PALS1: variants seen among roughly 807,000 people sequenced by gnomAD.
PALS1 encodes the protein protein PALS1.
Under a neutral mutation model 78.9 loss-of-function variants are expected in PALS1, and 31 were observed. That is an observed-to-expected ratio of 0.39 (90% CI 0.30 to 0.53). The LOEUF is 0.53. Among genes scored for constraint, PALS1 ranks in the 20% least tolerant of loss-of-function variants. The probability of loss-of-function intolerance (pLI) is 0.67; values close to 1 mark genes in which losing one functional copy is unlikely to be tolerated. For synonymous variants in PALS1, 276 were observed against 270.9 expected (o/e 1.02, Z -0.18); for missense variants, 704 against 826.5 (o/e 0.85, Z 1.82).
intron 4 of PALS1, among the ~76,000 whole-genome samples, chr14:67,297,227 A>G (rs975783183): frequency 6.6e-5 from 10 of 152,246 alleles, no homozygotes; most frequent in South Asian, 2.1e-4. Flanking sequence ...TTAGTATTCA[A>G]CATTTTTTGG....
intron 14 of PALS1, 54 bp from the exon 15 acceptor site, chr14:67,332,726 A>G (rs1566589103): frequency 2.0e-6 from 3 of 1,536,022 alleles, no homozygotes; most frequent in African/African-American, 1.4e-5. Context: ...GACTCATCCT[A>G]TATTATTTGG....
chr14:67,274,548 G>A (rs2084466208), intron 2 of PALS1, among the ~76,000 whole-genome samples: 1 of 152,178 alleles, frequency 6.6e-6, no homozygotes, highest in African/African-American at 2.4e-5. Flanking sequence ...TTTGAAGTTG[G>A]ATAGGGTGAT....
intron 1 of PALS1, among the ~76,000 whole-genome samples, chr14:67,248,250 A>G (rs2084015614): frequency 6.6e-6 from 1 of 152,144 alleles, no homozygotes; most frequent in Admixed American, 6.6e-5. Context: ...TGAAGGAGCA[A>G]TGTCACATGC....
intron 1 of PALS1, among the ~76,000 whole-genome samples, chr14:67,263,466 C>T (rs1005577118): frequency 6.6e-6 from 1 of 152,156 alleles, no homozygotes; most frequent in Non-Finnish European, 1.5e-5. Context: ...AAAAGAGAAT[C>T]TCTATGAACA....
At chr14:67,242,798 T>A (rs2083924075) in intron 1 of PALS1, among the ~76,000 whole-genome samples, 1 of 152,190 alleles carries the variant, frequency 6.6e-6, no homozygotes, top group South Asian at 2.1e-4. Flanking sequence ...CTGGTAAATT[T>A]TACCATGTAC....
At chr14:67,274,933 T>G (rs1272151468) in intron 2 of PALS1, among the ~76,000 whole-genome samples, 1 of 152,216 alleles carries the variant, frequency 6.6e-6, no homozygotes, top group Admixed American at 6.5e-5. Flanking sequence ...TGTCTGTTAT[T>G]GGTGTATAAG....
Position 67,279,211 on chromosome 14 carries a change from C to G in PALS1, c.41C>G (p.Ser14Ter). ...ATGAATGGGCATGTTACAGAGGAAT[C>G]AGACAGCGAAGTAAAAAATGTTGAT... The part of the protein sequence containing the change: ...SHMNGHVTEE[S>*]DSEVKNVDLA... Residue 14 changes from serine (S) to a stop codon, truncating the protein, a stop_gained, in exon 3 of 15, where the codon TCA becomes TGA. Coordinates refer to ENST00000261681, the MANE Select transcript of PALS1 (RefSeq NM_022474.4). LOFTEE classifies it high-confidence loss of function. 6.2e-7 allele frequency: 1 copy of G among 1,610,738 alleles called. No homozygotes were observed. Among genetic ancestry groups the G allele is most frequent in the Non-Finnish European group, 8.5e-7 (1 of 1,178,676 alleles).
At chr14:67,315,796 G>T (rs1187362179) in intron 9 of PALS1, among the ~76,000 whole-genome samples, 1 of 152,096 alleles carries the variant, frequency 6.6e-6, no homozygotes, top group African/African-American at 2.4e-5. Flanking sequence ...ATGGTGGCGG[G>T]CCCCTGTAAT....
intron 14 of PALS1, among the ~76,000 whole-genome samples, chr14:67,331,526 T>C (rs1387040261): frequency 6.6e-6 from 1 of 152,090 alleles, no homozygotes; most frequent in African/African-American, 2.4e-5. Flanking sequence ...GGCTTGAGAG[T>C]GGCTATCTAG....
chr14:67,312,151 T>A (rs1009983639), intron 8 of PALS1: 3 of 153,916 alleles, frequency 1.9e-5, no homozygotes, highest in Non-Finnish European at 2.9e-5. Context: ...AGCTTGTAGC[T>A]GCGAACAGTG....
intron 2 of PALS1, chr14:67,271,120 A>G (rs2084400374): frequency 6.6e-6 from 1 of 152,244 alleles, no homozygotes; most frequent in Admixed American, 6.5e-5. Context: ...TGGTTTGCTC[A>G]TATACTTAAT....
chr14:67,303,741 A>G (rs2084961754), intron 8 of PALS1, 142 bp downstream of exon 8: 1 of 662,388 alleles, frequency 1.5e-6, no homozygotes, highest in Admixed American at 2.8e-5. Flanking sequence ...TGAAATATCA[A>G]TGTTTTAAAT....
At chr14:67,264,866 G>A (rs1377634229) in intron 1 of PALS1, among the ~76,000 whole-genome samples, 1 of 152,102 alleles carries the variant, frequency 6.6e-6, no homozygotes. Flanking sequence ...GTTTACATCT[G>A]AGAAAGATGT....
intron 3 of PALS1, among the ~76,000 whole-genome samples, chr14:67,286,870 A>G (rs1227301561): frequency 9.9e-5 from 15 of 151,042 alleles, no homozygotes; most frequent in East Asian, 1.9e-4. Flanking sequence ...AAAAAAAAAA[A>G]AAAAGAAAAA....
chr14:67,287,804 A>G (rs2084713844), intron 3 of PALS1, among the ~76,000 whole-genome samples: 1 of 152,266 alleles, frequency 6.6e-6, no homozygotes, highest in African/African-American at 2.4e-5. Context: ...ATGGCGTAGC[A>G]AAATAATACC....
At chr14:67,306,974 A>G (rs926369760) in intron 8 of PALS1, among the ~76,000 whole-genome samples, 6 of 152,218 alleles carry the variant, frequency 3.9e-5, no homozygotes, top group Non-Finnish European at 7.3e-5. Flanking sequence ...AATGTGTTTA[A>G]GACAGATATA....
chr14:67,283,348 T>C (rs1393110053), intron 3 of PALS1, among the ~76,000 whole-genome samples: 1 of 152,224 alleles, frequency 6.6e-6, no homozygotes, highest in African/African-American at 2.4e-5. Flanking sequence ...CTTTCAGATT[T>C]CATTCTGGCA....
intron 4 of PALS1, among the ~76,000 whole-genome samples, chr14:67,298,430 G>A (rs1310871534): frequency 6.6e-6 from 1 of 151,332 alleles, no homozygotes; most frequent in Non-Finnish European, 1.5e-5. Flanking sequence ...CAGGAGAATC[G>A]CTTGAACCCG....
At chr14:67,247,233 C>T (rs1237558284) in intron 1 of PALS1, among the ~76,000 whole-genome samples, 1 of 152,132 alleles carries the variant, frequency 6.6e-6, no homozygotes, top group Non-Finnish European at 1.5e-5. Context: ...GCAGATCTTG[C>T]AAATACTTTA....
Sources: allele counts gnomAD v4.1 joint callset (sites outside exome capture counted in the v4.1 genomes callset), GRCh38; gene constraint gnomAD v4.1.1; transcripts MANE v1.5; gene names NCBI Gene and HGNC (gene_info 2026-07-23, HGNC 2026-07-21).